The following CCDC18 variants were observed in gnomAD, a reference collection of about 807,000 sequenced individuals.
The protein encoded by CCDC18 is coiled-coil domain-containing protein 18.
Under a neutral mutation model 196.0 loss-of-function variants are expected in CCDC18, and 157 were observed. The observed-to-expected ratio is 0.80, with a 90% CI of 0.70 to 0.91. The LOEUF is 0.91. CCDC18 is among the 40% of genes least tolerant of loss of function. The pLI is 0.00. For missense variants in CCDC18, 1,465 were observed against 1,611.6 expected, an observed-to-expected ratio of 0.91 and a Z score of 1.56; for synonymous variants, 482 against 529.2, an observed-to-expected ratio of 0.91 and a Z score of 1.22.
intron 9 of CCDC18, 100 bp from the exon 10 acceptor site, chr1:93,210,702 C>T: frequency 1.3e-6 from 1 of 771,446 alleles, no homozygotes. Flanking sequence ...TAAGTTGTTT[C>T]CATTAAATTC....
chr1:93,199,133 C>T (rs1451759771), intron 6 of CCDC18, among the ~76,000 whole-genome samples: 2 of 152,238 alleles, frequency 1.3e-5, no homozygotes, highest in East Asian at 3.8e-4. Flanking sequence ...TGGCCAGTGG[C>T]ACCTTTGCCC....
chr1:93,215,445 TTTTC>T (rs1225399674), intron 12 of CCDC18, among the ~76,000 whole-genome samples: 2 of 146,590 alleles, frequency 1.4e-5, no homozygotes, highest in African/African-American at 5.4e-5. Context: ...TGCTTTTTTC[TTTTC>T]TTTTTCTTTT....
Position 93,278,668 on chromosome 1 carries a change from G to T in CCDC18, c.*191G>T. The T allele has an allele frequency of 3.2e-6, 1 of 316,418 alleles. No individual in the cohort carries two copies. The highest frequency in any genetic ancestry group is 5.6e-6 in the Non-Finnish European group (1 of 178,034). The allele number at this position is 316,418 out of a possible 1,614,324, so 19.6% of individuals were successfully genotyped here. A position where few individuals can be genotyped will look rare whatever the true frequency, so the allele number is the denominator to read the frequency against. On this transcript the variant is annotated 3_prime_UTR_variant, in exon 29 of 29. Coordinates refer to ENST00000690025, the MANE Select transcript of CCDC18 (RefSeq NM_001378204.1). Reference sequence around the variant, plus strand: ...AAGAAAATTTATTATTTTATTTATTGTTTTTTGGCTTAAACTTGCTGCTTT... The same window carrying T: ...AAGAAAATTTATTATTTTATTTATTTTTTTTTGGCTTAAACTTGCTGCTTT...
At chr1:93,260,656 G>A (rs1243306894) in intron 26 of CCDC18, among the ~76,000 whole-genome samples, 3 of 151,066 alleles carry the variant, frequency 2.0e-5, no homozygotes, top group South Asian at 4.2e-4. Flanking sequence ...TCTGGGGTAC[G>A]TGTGCAGAAC....
chr1:93,260,203 G>A (rs185365747), intron 26 of CCDC18, among the ~76,000 whole-genome samples: 74 of 152,244 alleles, frequency 4.9e-4, no homozygotes, highest in African/African-American at 1.7e-3. Flanking sequence ...GACCAACATG[G>A]CAAAACCCCG....
intron 23 of CCDC18, among the ~76,000 whole-genome samples, chr1:93,249,994 C>T (rs1662018624): frequency 6.6e-6 from 1 of 151,942 alleles, no homozygotes; most frequent in Non-Finnish European, 1.5e-5. Flanking sequence ...CATTCAGGTG[C>T]ATTTGTTTAC....
At chr1:93,181,912 G>C (rs1220789953) in intron 1 of CCDC18, among the ~76,000 whole-genome samples, 1 of 152,186 alleles carries the variant, frequency 6.6e-6, no homozygotes, top group Non-Finnish European at 1.5e-5. Context: ...ACCGCGCCCG[G>C]ACTGGGAGTT....
chr1:93,220,682 G>A (rs2102202572), intron 14 of CCDC18, among the ~76,000 whole-genome samples: 1 of 152,172 alleles, frequency 6.6e-6, no homozygotes, highest in South Asian at 2.1e-4. Flanking sequence ...TTGTCACATA[G>A]GTAAATGTGT....
chr1:93,270,753 TAAAC>T lies in CCDC18; in HGVS notation c.4296_4299del (p.Asn1432LysfsTer3). 1.1e-5 allele frequency: 17 copies of T among 1,548,486 alleles called. No individual in the cohort carries two copies. The highest frequency in any genetic ancestry group is 1.5e-5 in the Non-Finnish European group (17 of 1,146,370). ...ACGCTTAGTGGGATGCTAAGATACA[TAAAC>T]AAAGAAGTAAGACTATTAAAAAAGT... On this transcript the variant is annotated frameshift_variant, in exon 28 of 29. Transcript: ENST00000690025. LOFTEE classifies it high-confidence loss of function.
At position 93,270,587 on chromosome 1, in the gene CCDC18, C is replaced by T. The variant is rs577284786; in HGVS notation, c.4126C>T (p.Gln1376Ter). The change falls in exon 28 of 29, where the codon CAG (glutamine) becomes TAG (stop). Residue 1376 changes from glutamine (Q) to a stop codon, truncating the protein, a stop_gained. Transcript: ENST00000690025. LOFTEE classifies it high-confidence loss of function. ...TGAAGATCTTTCTGAAGAATTACTA[C>T]AGGACTTAAAGAAAATGCAATTAGA... The part of the protein sequence containing the change: ...GDEDLSEELL[Q>*]DLKKMQLEQP... The T allele has an allele frequency of 7.1e-6, 11 of 1,550,344 alleles. No homozygotes were observed. In the East Asian group the frequency reaches 1.2e-4, roughly 17 times the overall value.
At chr1:93,181,680 ATCTC>A (rs1339319583) in intron 1 of CCDC18, among the ~76,000 whole-genome samples, 3 of 151,820 alleles carry the variant, frequency 2.0e-5, no homozygotes, top group African/African-American at 7.3e-5. Context: ...CAGTGGCGCG[ATCTC>A]GGCTCACTGC....
chr1:93,211,638 A>C (rs1655667514), intron 10 of CCDC18, among the ~76,000 whole-genome samples: 1 of 152,180 alleles, frequency 6.6e-6, no homozygotes, highest in African/African-American at 2.4e-5. Context: ...TATTTAAAAA[A>C]TTCATTCATA....
rs115207375 is a variant in CCDC18 at position 93,194,616 on chromosome 1, T to A, written c.698+872T>A. 4.6e-3 allele frequency among the ~76,000 whole-genome samples: 695 copies of A among 152,050 alleles called. 2 individuals are homozygous for A. Among genetic ancestry groups the A allele is most frequent in the African/African-American group, 0.015 (631 of 41,468 alleles). ...GATATGGATAGAAATGAAGAGTAAA[T>A]GAAAAAAAGAAATGTACCTCTTAAA... is the stretch of plus-strand genomic sequence containing the variant. On this transcript the variant is annotated intron_variant, in intron 6 of 28. Transcript: ENST00000690025.
chr1:93,209,044 A>T (rs2101955632), intron 9 of CCDC18, among the ~76,000 whole-genome samples: 1 of 151,604 alleles, frequency 6.6e-6, no homozygotes, highest in Non-Finnish European at 1.5e-5. Flanking sequence ...CTGCAACCTC[A>T]GCCTCCTGGG....
At chr1:93,235,909 T>TA (rs1445053483) in intron 18 of CCDC18, among the ~76,000 whole-genome samples, 1 of 152,102 alleles carries the variant, frequency 6.6e-6, no homozygotes, top group African/African-American at 2.4e-5. Flanking sequence ...AGGAATCTAT[T>TA]GAGTGAGCCA....
chr1:93,265,627 C>T (rs970568651), intron 27 of CCDC18, among the ~76,000 whole-genome samples: 2 of 152,040 alleles, frequency 1.3e-5, no homozygotes, highest in African/African-American at 2.4e-5. Context: ...GGATTTACAA[C>T]AAAAAATTGG....
intron 27 of CCDC18, among the ~76,000 whole-genome samples, chr1:93,266,170 G>T (rs1468512893): frequency 6.6e-6 from 1 of 152,190 alleles, no homozygotes; most frequent in Non-Finnish European, 1.5e-5. Context: ...CATGAAAACT[G>T]AACAACCTCC....
intron 28 of CCDC18, among the ~76,000 whole-genome samples, chr1:93,277,972 TTTTTA>T (rs1665718682): frequency 6.6e-6 from 1 of 152,038 alleles, no homozygotes; most frequent in African/African-American, 2.4e-5. Flanking sequence ...TTGCTTTTAT[TTTTTA>T]TTTTATTTAT....
Position 93,271,003 on chromosome 1 carries a change from C to T in CCDC18, c.4353+189C>T, listed in dbSNP as rs1211714033. The T allele has an allele frequency of 5.1e-6, 5 of 981,914 alleles. No individual in the cohort carries two copies. In the African/African-American group the frequency reaches 7.1e-5, roughly 14 times the overall value. The allele number at this position is 981,914 out of a possible 1,614,324, so 60.8% of individuals were successfully genotyped here. A position where few individuals can be genotyped will look rare whatever the true frequency, so the allele number is the denominator to read the frequency against. ...CTCTATTGCATGGTGTGAGACAATA[C>T]GGGGAAAGAGAGAGGCAGAGGGAGA... is the stretch of plus-strand genomic sequence containing the variant. On this transcript the variant is annotated intron_variant, in intron 28 of 28. Coordinates refer to ENST00000690025, the MANE Select transcript of CCDC18 (RefSeq NM_001378204.1).
Sources: allele counts gnomAD v4.1 joint callset (sites outside exome capture counted in the v4.1 genomes callset), GRCh38; gene constraint gnomAD v4.1.1; transcripts MANE v1.5; gene names NCBI Gene and HGNC (gene_info 2026-07-23, HGNC 2026-07-21).